FAM135A: variants seen among roughly 807,000 people sequenced by gnomAD.
The protein encoded by FAM135A is family with sequence similarity 135 member A, also known as protein FAM135A.
FAM135A carries 79 observed loss-of-function variants against 146.8 expected under a neutral mutation model. The observed-to-expected ratio is 0.54, with a 90% CI of 0.45 to 0.65. The LOEUF (loss-of-function observed/expected upper bound fraction) is 0.65. Among genes scored for constraint, FAM135A ranks in the 30% least tolerant of loss-of-function variants. The pLI is 0.00. For synonymous variants in FAM135A, 562 were observed against 603.6 expected, an observed-to-expected ratio of 0.93 and a Z score of 1.01; for missense variants, 1,623 against 1,758.2, an observed-to-expected ratio of 0.92 and a Z score of 1.38.
At chr6:70,449,388 T>A (rs541377959) in intron 4 of FAM135A, among the ~76,000 whole-genome samples, 10 of 152,196 alleles carry the variant, frequency 6.6e-5, no homozygotes, top group South Asian at 4.1e-4. Context: ...ACTCTTTGAC[T>A]AACATCTCCT....
intron 4 of FAM135A, 137 bp downstream of exon 4, chr6:70,428,556 T>C: frequency 2.0e-6 from 1 of 498,432 alleles, no homozygotes; most frequent in Non-Finnish European, 3.3e-6. Flanking sequence ...CTCAGATAAA[T>C]TTTATTTATT....
At chr6:70,555,926 C>T (rs1800749886) in intron 20 of FAM135A, among the ~76,000 whole-genome samples, 1 of 152,100 alleles carries the variant, frequency 6.6e-6, no homozygotes, top group South Asian at 2.1e-4. Flanking sequence ...TACGGTCACA[C>T]TTGGCTGTGT....
At chr6:70,450,033 T>A (rs1776684132) in intron 4 of FAM135A, among the ~76,000 whole-genome samples, 1 of 152,182 alleles carries the variant, frequency 6.6e-6, no homozygotes, top group Non-Finnish European at 1.5e-5. Context: ...TTTTTACATA[T>A]CTGTTAGCCA....
intron 12 of FAM135A, chr6:70,503,950 G>A (rs193194873): frequency 1.3e-5 from 2 of 152,282 alleles, no homozygotes; most frequent in Admixed American, 6.5e-5. Context: ...AAGCTGCTAT[G>A]AACATTCTTA....
rs180754242 is a variant in FAM135A, at chr6:70,557,415, C to T, written c.4342+552C>T. The T allele has an allele frequency of 1.7e-3, 261 of 153,120 alleles. 2 individuals carry two copies. The highest frequency in any genetic ancestry group is 1.6e-3 in the Non-Finnish European group (108 of 68,722). The allele number at this position is 153,120 out of a possible 1,614,324, so 9.5% of individuals were successfully genotyped here. On this transcript the variant is annotated intron_variant, in intron 21 of 21. Coordinates refer to ENST00000418814, the MANE Select transcript of FAM135A (RefSeq NM_001162529.3). ...AGACTTAGGTCAAGAACCTGGTCTCCGGGCGTGGTGGCTCCTGCCTGTAAT... is the reference window on the plus strand; with the variant it reads ...AGACTTAGGTCAAGAACCTGGTCTCTGGGCGTGGTGGCTCCTGCCTGTAAT...
intron 12 of FAM135A, among the ~76,000 whole-genome samples, chr6:70,508,406 A>T (rs1164903271): frequency 1.3e-5 from 2 of 152,182 alleles, no homozygotes; most frequent in Non-Finnish European, 2.9e-5. Context: ...AATTTTACTG[A>T]TCTTTATTGC....
chr6:70,528,374 G>A lies in FAM135A; in HGVS notation c.3697G>A (p.Val1233Ile), dbSNP rs1582776752. ...TGAAGTTCCTCTGCTGGCATCCTCA[G>A]TACCTTATTTTAGTGTAGAAGAAGA... ...YSEVPLLASS[V>I]PYFSVEEEDG... The change falls in exon 16 of 22, where the codon GTA (valine) becomes ATA (isoleucine). Residue 1233 changes from valine to isoleucine, a missense_variant. By Grantham distance (29) the Val-to-Ile change is conservative. Around this residue, in one of 7 missense-constraint regions of FAM135A, gnomAD observed 1,061 missense variants for 1,113.8 expected, o/e 0.95. Coordinates refer to ENST00000418814, the MANE Select transcript of FAM135A (RefSeq NM_001162529.3). 6.2e-7 allele frequency: 1 copy of A among 1,613,734 alleles called. No homozygotes were observed. The highest frequency in any genetic ancestry group is 8.5e-7 in the Non-Finnish European group (1 of 1,179,806).
intron 5 of FAM135A, among the ~76,000 whole-genome samples, chr6:70,466,198 A>T (rs1171481306): frequency 6.6e-6 from 1 of 152,194 alleles, no homozygotes; most frequent in Non-Finnish European, 1.5e-5. Context: ...ACGATTACAT[A>T]ACACAGTATT....
intron 3 of FAM135A, 61 bp downstream of exon 3, chr6:70,426,593 A>G (rs1462429828): frequency 6.6e-6 from 1 of 152,240 alleles, no homozygotes; most frequent in East Asian, 1.9e-4. Flanking sequence ...CCAAATTTCT[A>G]TGAAGAACTG....
intron 4 of FAM135A, among the ~76,000 whole-genome samples, chr6:70,435,810 T>A (rs2127859675): frequency 6.6e-6 from 1 of 152,316 alleles, no homozygotes; most frequent in South Asian, 2.1e-4. Context: ...TCAGCTGAAT[T>A]TTGTTTTATT....
At chr6:70,442,414 T>C (rs992371141) in intron 4 of FAM135A, among the ~76,000 whole-genome samples, 1 of 152,130 alleles carries the variant, frequency 6.6e-6, no homozygotes, top group Non-Finnish European at 1.5e-5. Context: ...TTTGTAATTA[T>C]ATAAAAAATT....
intron 11 of FAM135A, among the ~76,000 whole-genome samples, chr6:70,499,618 C>G (rs1396448585): frequency 1.3e-5 from 2 of 152,100 alleles, no homozygotes; most frequent in Admixed American, 6.6e-5. Flanking sequence ...GTGGCTGGTA[C>G]CGGTTTTCCT....
chr6:70,557,682 G>A (rs376914751), intron 21 of FAM135A: 21 of 94,404 alleles, frequency 2.2e-4, no homozygotes, highest in African/African-American at 9.0e-4. Context: ...AGACAAGAAC[G>A]AAACTCTGTC....
intron 4 of FAM135A, among the ~76,000 whole-genome samples, chr6:70,439,008 AAAAC>A (rs1478528706): frequency 1.3e-5 from 2 of 152,134 alleles, no homozygotes; most frequent in African/African-American, 2.4e-5. Flanking sequence ...AAAAATTACA[AAAAC>A]AAACAAACAG....
intron 4 of FAM135A, among the ~76,000 whole-genome samples, chr6:70,450,138 C>T (rs755351280): frequency 1.3e-5 from 2 of 151,972 alleles, no homozygotes; most frequent in Non-Finnish European, 2.9e-5. Flanking sequence ...GTTTGAATTC[C>T]TTGTGTATTT....
At chr6:70,496,923 T>G (rs1422977331) in intron 11 of FAM135A, among the ~76,000 whole-genome samples, 1 of 152,176 alleles carries the variant, frequency 6.6e-6, no homozygotes. Context: ...GCAGTGTAGT[T>G]TGAAGTCTGG....
At chr6:70,427,905 AT>A (rs199967842) in intron 3 of FAM135A, among the ~76,000 whole-genome samples, 2 of 151,532 alleles carry the variant, frequency 1.3e-5, no homozygotes, top group Non-Finnish European at 1.5e-5. Flanking sequence ...AAGAGTGTTA[AT>A]TTTTTTTTGA....
chr6:70,432,872 A>G (rs1771993686), intron 4 of FAM135A, among the ~76,000 whole-genome samples: 10 of 151,984 alleles, frequency 6.6e-5, no homozygotes, highest in Admixed American at 6.5e-4. Flanking sequence ...ATTTAAGATG[A>G]TAACTTAATA....
chr6:70,553,964 C>T (rs949064557), intron 20 of FAM135A, among the ~76,000 whole-genome samples: 7 of 151,944 alleles, frequency 4.6e-5, no homozygotes, highest in African/African-American at 1.7e-4. Flanking sequence ...TAATAATAGG[C>T]TTATAGAATA....
Sources: gnomAD v4.1 joint callset for allele counts (sites outside exome capture counted in the v4.1 genomes callset) on GRCh38, gnomAD v4.1.1 for gene constraint, gnomAD v4.1.1 regional missense constraint, MANE v1.5 for transcripts, NCBI Gene and HGNC (gene_info 2026-07-23, HGNC 2026-07-21) for gene names.